The following KIAA0319L variants were observed in gnomAD, a reference collection of about 807,000 sequenced individuals.
The protein encoded by KIAA0319L is dyslexia-associated protein KIAA0319-like protein.
Under a neutral mutation model 120.1 loss-of-function variants are expected in KIAA0319L, and 55 were observed. The ratio of observed to expected loss-of-function variants is 0.46; its 90% confidence interval spans 0.37 to 0.57. The LOEUF is 0.57. KIAA0319L is among the 20% of genes least tolerant of loss of function. The pLI is 0.00. For synonymous variants in KIAA0319L, 398 were observed against 471.9 expected (o/e 0.84, Z 2.03); for missense variants, 1,049 against 1,255.3 (o/e 0.84, Z 2.48).
At chr1:35,545,873 C>T (rs569421190) in intron 2 of KIAA0319L, among the ~76,000 whole-genome samples, 1 of 151,658 alleles carries the variant, frequency 6.6e-6, no homozygotes, top group African/African-American at 2.4e-5. Flanking sequence ...CCAGCCTGGG[C>T]GACAGAGCAA....
At chr1:35,459,293 C>T (rs911491705) in intron 9 of KIAA0319L, among the ~76,000 whole-genome samples, 13 of 151,968 alleles carry the variant, frequency 8.6e-5, no homozygotes, top group African/African-American at 2.7e-4. Context: ...TGGAATGAAC[C>T]CTGACTTCAG....
chr1:35,460,570 C>T (rs1642819766), intron 8 of KIAA0319L, 133 bp from the exon 9 acceptor site: 4 of 745,462 alleles, frequency 5.4e-6, no homozygotes, highest in Non-Finnish European at 8.6e-6. Context: ...ACTATCTCTC[C>T]AGAATGTTTC....
intron 2 of KIAA0319L, among the ~76,000 whole-genome samples, chr1:35,519,274 T>C (rs1645813660): frequency 6.6e-6 from 1 of 152,078 alleles, no homozygotes; most frequent in Non-Finnish European, 1.5e-5. Flanking sequence ...AGAAAGAACA[T>C]GGTAAGAATT....
chr1:35,462,844 A>T, intron 7 of KIAA0319L, 131 bp from the exon 8 acceptor site: 483 of 526,252 alleles, frequency 9.2e-4, no homozygotes, highest in Middle Eastern at 1.7e-3. Context: ...ACCAGGGACC[A>T]GTTTTGTGGA....
intron 7 of KIAA0319L, among the ~76,000 whole-genome samples, chr1:35,465,355 A>G (rs1297661923): frequency 6.6e-6 from 1 of 152,206 alleles, no homozygotes; most frequent in Non-Finnish European, 1.5e-5. Context: ...AAAGGAGATC[A>G]TTTTGGAGTT....
intron 16 of KIAA0319L, among the ~76,000 whole-genome samples, chr1:35,447,459 A>G (rs1009028356): frequency 6.6e-6 from 1 of 152,136 alleles, no homozygotes; most frequent in Non-Finnish European, 1.5e-5. Context: ...CTTCTGGAAG[A>G]AACTGTGTAC....
Position 35,479,003 on chromosome 1 carries a change from GGGGGTA to G in KIAA0319L, c.870_875del (p.Thr291_Pro292del). 1 of 1,614,094 alleles carries G rather than the reference GGGGGTA, an allele frequency of 6.2e-7. No individual in the cohort carries two copies. The highest frequency in any genetic ancestry group is 8.5e-7 in the Non-Finnish European group (1 of 1,179,988). ...CTGAGGTGCTCTGGAAAGAGGCCTG[GGGGGTA>G]GGGGTAGCATAACTGTAGGAGGGAG... is the stretch of plus-strand genomic sequence containing the variant. On this transcript the variant is annotated inframe_deletion, in exon 4 of 21. Coordinates refer to ENST00000325722, the MANE Select transcript of KIAA0319L (RefSeq NM_024874.5).
chr1:35,436,755 C>T (rs1158822490), intron 20 of KIAA0319L, among the ~76,000 whole-genome samples: 1 of 152,186 alleles, frequency 6.6e-6, no homozygotes, highest in African/African-American at 2.4e-5. Flanking sequence ...CCTACACTTA[C>T]CAGGTGGCAC....
chr1:35,442,670 G>A (rs931590216), intron 18 of KIAA0319L, among the ~76,000 whole-genome samples: 2 of 152,238 alleles, frequency 1.3e-5, no homozygotes, highest in South Asian at 2.1e-4. Flanking sequence ...GATTTAGGCT[G>A]TAACTGGCAT....
chr1:35,500,212 T>C (rs904655162), intron 3 of KIAA0319L, among the ~76,000 whole-genome samples: 8 of 152,222 alleles, frequency 5.3e-5, no homozygotes, highest in African/African-American at 1.9e-4. Context: ...AGCACTTTTT[T>C]CTCTGGCACA....
In KIAA0319L at chr1:35,520,801, A is replaced by C. The variant is rs561911244; in HGVS notation, c.143-13666T>G. On this transcript the variant is annotated intron_variant, in intron 2 of 20. Transcript: ENST00000325722. ...TGCATGCTGGGAATTACTTTGGTAGAGTTTATAAGTTAGATGGGGGAGACA... is the reference window on the plus strand; with the variant it reads ...TGCATGCTGGGAATTACTTTGGTAGCGTTTATAAGTTAGATGGGGGAGACA... 6.1e-4 allele frequency among the ~76,000 whole-genome samples: 93 copies of C among 152,296 alleles called. No homozygotes were observed. In the Middle Eastern group the frequency reaches 0.024, roughly 39 times the overall value.
intron 10 of KIAA0319L, 70 bp from the exon 11 acceptor site, chr1:35,454,555 G>A (rs904660624): frequency 1.5e-5 from 24 of 1,587,230 alleles, no homozygotes; most frequent in Non-Finnish European, 1.8e-5. Flanking sequence ...TCCGACTCTG[G>A]TAAAAACGAT....
intron 13 of KIAA0319L, 44 bp from the exon 14 acceptor site, chr1:35,450,553 A>G (rs748134864): frequency 5.1e-6 from 8 of 1,553,584 alleles, no homozygotes; most frequent in East Asian, 2.3e-5. Context: ...ATTCTGGAAA[A>G]GAAGAAATGT....
At chr1:35,546,616 AT>A (rs1200132080) in intron 2 of KIAA0319L, among the ~76,000 whole-genome samples, 1 of 152,240 alleles carries the variant, frequency 6.6e-6, no homozygotes, top group Admixed American at 6.5e-5. Flanking sequence ...TGAGTAAGTA[AT>A]TTTAAAAATG....
rs114497900 is a variant in KIAA0319L at position 35,460,614 on chromosome 1, A to G, written c.1295-177T>C. ...GAATACTGGGTCATTCTGCCTCTCT[A>G]TGTATATTCTACTGTGTAGTTTTCC... On this transcript the variant is annotated intron_variant, in intron 8 of 20. Transcript: ENST00000325722. Among the ~76,000 whole-genome samples, 394 of 152,332 alleles carry G rather than the reference A, an allele frequency of 2.6e-3. 3 individuals carry two copies. Among genetic ancestry groups the G allele is most frequent in the African/African-American group, 9.2e-3 (383 of 41,580 alleles).
chr1:35,439,278 T>C (rs1641027281), intron 20 of KIAA0319L: 1 of 152,280 alleles, frequency 6.6e-6, no homozygotes, highest in Non-Finnish European at 1.5e-5. Context: ...CAGCTTTATC[T>C]GGCTAGCTCC....
chr1:35,554,463 T>G lies in KIAA0319L; in HGVS notation c.29A>C (p.Asn10Thr). Residue 10 changes from asparagine (N) to threonine (T), a missense_variant, in exon 2 of 21, where the codon AAT becomes ACT. Transcript: ENST00000325722. MEKRLGVKP[N>T]PASWILSGYY... The stretch of plus-strand genomic sequence containing the variant: ...TCCTGATAAAATCCAGGAAGCAGGA[T>G]TTGGCTTGACTCCCAGCCTCTTCTC... 1 of 1,613,262 alleles carries G rather than the reference T, an allele frequency of 6.2e-7. No homozygotes were observed. Among genetic ancestry groups the G allele is most frequent in the Non-Finnish European group, 8.5e-7 (1 of 1,179,822 alleles).
rs143299996 is a variant in KIAA0319L, at chr1:35,551,015, T to C, written c.142+3335A>G. 5.4e-4 allele frequency among the ~76,000 whole-genome samples: 82 copies of C among 152,348 alleles called. 1 individual carries two copies. The East Asian group carries it at 0.011, about 21-fold the overall frequency. On this transcript the variant is annotated intron_variant, in intron 2 of 20. Coordinates refer to ENST00000325722, the MANE Select transcript of KIAA0319L (RefSeq NM_024874.5). ...GTTGATCAGTGCTCTCATTCACAAC[T>C]ATCTAAGTGTATCCTTCAGATAAAT...
intron 8 of KIAA0319L, among the ~76,000 whole-genome samples, chr1:35,461,753 G>A (rs1000766270): frequency 7.9e-5 from 12 of 152,136 alleles, no homozygotes; most frequent in East Asian, 1.9e-4. Context: ...ACAGTACAAC[G>A]TGAGCCCTTT....
Sources: allele counts gnomAD v4.1 joint callset (sites outside exome capture counted in the v4.1 genomes callset), GRCh38; gene constraint gnomAD v4.1.1; transcripts MANE v1.5; gene names NCBI Gene and HGNC (gene_info 2026-07-23, HGNC 2026-07-21).